Variants in UBE2R2 observed in about 807,000 individuals in gnomAD.
The protein encoded by UBE2R2 is ubiquitin-conjugating enzyme E2 R2.
In UBE2R2, 1 loss-of-function variant was observed where a neutral mutation model predicts 27.8. The ratio of observed to expected loss-of-function variants is 0.04; its 90% CI spans 0.01 to 0.17. The LOEUF (loss-of-function observed/expected upper bound fraction) is 0.17, where lower values mean the gene tolerates loss of function less well. UBE2R2 is among the 10% of genes least tolerant of loss of function. UBE2R2 has a pLI of 1.00. For synonymous variants in UBE2R2, 106 were observed against 113.3 expected, an observed-to-expected ratio of 0.94 and a Z score of 0.41; for missense variants, 100 against 291.0, an observed-to-expected ratio of 0.34 and a Z score of 4.78.
intron 3 of UBE2R2, among the ~76,000 whole-genome samples, chr9:33,909,330 C>T (rs1044906226): frequency 1.3e-5 from 2 of 151,752 alleles, no homozygotes; most frequent in African/African-American, 4.8e-5. Flanking sequence ...ACTAAAGATA[C>T]AAAAAAATTT....
intron 4 of UBE2R2, among the ~76,000 whole-genome samples, chr9:33,916,300 C>G (rs966182759): frequency 4.6e-5 from 7 of 152,130 alleles, no homozygotes; most frequent in Admixed American, 1.3e-4. Flanking sequence ...GAGATCACGC[C>G]GCTGCACTCC....
intron 1 of UBE2R2, among the ~76,000 whole-genome samples, chr9:33,886,180 CAGTT>C (rs1481206014): frequency 6.6e-6 from 1 of 152,050 alleles, no homozygotes; most frequent in Non-Finnish European, 1.5e-5. Flanking sequence ...GATAGAATGA[CAGTT>C]AAATTATGTG....
chr9:33,893,747 T>C (rs1822037023), intron 2 of UBE2R2, among the ~76,000 whole-genome samples: 2 of 152,174 alleles, frequency 1.3e-5, no homozygotes, highest in Admixed American at 1.3e-4. Flanking sequence ...TTCTCGTGCC[T>C]CAACCACCCA....
rs1280280680 is a variant in UBE2R2 at position 33,920,214 on chromosome 9, C to T, written c.*2977C>T. 1 of 152,604 alleles carries T rather than the reference C, an allele frequency of 6.6e-6. No individual in the cohort carries two copies. Among genetic ancestry groups the T allele is most frequent in the Non-Finnish European group, 1.5e-5 (1 of 68,036 alleles). 9.5% of individuals were successfully genotyped at this position (152,604 alleles called of 1,614,324 possible). ...CAATTTTCAACTATTCTGAAACCAGCAGGACACACCTGACTTTAATAGTTT... is the reference window on the plus strand; with the variant it reads ...CAATTTTCAACTATTCTGAAACCAGTAGGACACACCTGACTTTAATAGTTT... On this transcript the variant is annotated 3_prime_UTR_variant, in exon 5 of 5. Transcript: ENST00000263228.
intron 1 of UBE2R2, among the ~76,000 whole-genome samples, chr9:33,866,933 T>A (rs1426566742): frequency 7.9e-5 from 12 of 152,168 alleles, no homozygotes; most frequent in Admixed American, 7.9e-4. Context: ...TTTTAATGAT[T>A]TTTTCGATGA....
At chr9:33,864,700 A>G (rs879694897) in intron 1 of UBE2R2, among the ~76,000 whole-genome samples, 19 of 149,084 alleles carry the variant, frequency 1.3e-4, no homozygotes, top group Non-Finnish European at 2.4e-4. Context: ...CAGGCCTGCC[A>G]CCAATCTCAG....
chr9:33,891,154 AT>A, intron 2 of UBE2R2, among the ~76,000 whole-genome samples: 1 of 149,798 alleles, frequency 6.7e-6, no homozygotes. Flanking sequence ...GGTTCAAGCT[AT>A]TCTCCTGCCT....
chr9:33,878,906 G>C (rs1821672060), intron 1 of UBE2R2, among the ~76,000 whole-genome samples: 1 of 152,110 alleles, frequency 6.6e-6, no homozygotes, highest in South Asian at 2.1e-4. Flanking sequence ...AGGCTGACTT[G>C]TGGCTTATCT....
intron 1 of UBE2R2, among the ~76,000 whole-genome samples, chr9:33,884,197 A>ACTCTCTCTCTCTCTCTCT (rs1267784081): frequency 5.0e-5 from 2 of 39,686 alleles, no homozygotes; most frequent in African/African-American, 7.0e-5. Context: ...ACAACTTAAG[A>ACTCTCTCTCTCTCTCTCT]ATCTCTCTCT....
chr9:33,906,112 G>GT (rs1822350855), intron 3 of UBE2R2, among the ~76,000 whole-genome samples: 1 of 141,194 alleles, frequency 7.1e-6, no homozygotes, highest in African/African-American at 2.6e-5. Flanking sequence ...CGTCGTTGTT[G>GT]CTGTTGTTGT....
At chr9:33,822,195 G>T (rs1011136601) in intron 1 of UBE2R2, among the ~76,000 whole-genome samples, 2 of 151,284 alleles carry the variant, frequency 1.3e-5, no homozygotes, top group South Asian at 4.2e-4. Flanking sequence ...GGGTTCAAGC[G>T]ATTCTTCTGC....
At chr9:33,822,373 T>G (rs1356312360) in intron 1 of UBE2R2, among the ~76,000 whole-genome samples, 1 of 151,614 alleles carries the variant, frequency 6.6e-6, no homozygotes, top group African/African-American at 2.4e-5. Context: ...ATTACAGGCC[T>G]GAGCCACCAC....
At chr9:33,849,167 G>C (rs1820910317) in intron 1 of UBE2R2, among the ~76,000 whole-genome samples, 1 of 152,032 alleles carries the variant, frequency 6.6e-6, no homozygotes, top group African/African-American at 2.4e-5. Flanking sequence ...TGAGACAGGA[G>C]AATCTCTTGA....
rs1350616496 is a variant in UBE2R2, at chr9:33,920,035, C to T, written c.*2798C>T. ...TTTCCCTTACCCTGGCAAATTGCTT[C>T]TTTACTTGCTGGTTTCCTTACGTTT... On this transcript the variant is annotated 3_prime_UTR_variant, in exon 5 of 5. Transcript: ENST00000263228. 1 of 152,398 alleles carries T rather than the reference C, an allele frequency of 6.6e-6. No homozygotes were observed. Among genetic ancestry groups the T allele is most frequent in the Non-Finnish European group, 1.5e-5 (1 of 68,020 alleles). 9.4% of individuals were successfully genotyped at this position (152,398 alleles called of 1,614,324 possible).
At chr9:33,856,961 A>G (rs1394334055) in intron 1 of UBE2R2, among the ~76,000 whole-genome samples, 1 of 138,562 alleles carries the variant, frequency 7.2e-6, no homozygotes, top group African/African-American at 2.7e-5. Context: ...CAGTGGCTCA[A>G]TCTCGGCTCA....
intron 1 of UBE2R2, among the ~76,000 whole-genome samples, chr9:33,863,543 T>A (rs1052979560): frequency 2.6e-5 from 4 of 151,092 alleles, no homozygotes; most frequent in African/African-American, 9.7e-5. Flanking sequence ...AAAAAAAAAG[T>A]GCATGGTAGA....
chr9:33,861,059 C>T (rs960189596), intron 1 of UBE2R2, among the ~76,000 whole-genome samples: 1 of 151,208 alleles, frequency 6.6e-6, no homozygotes, highest in Non-Finnish European at 1.5e-5. Context: ...CCTGGGTTCA[C>T]GCCATTCTCC....
At chr9:33,854,480 C>T (rs527510144) in intron 1 of UBE2R2, among the ~76,000 whole-genome samples, 8 of 151,968 alleles carry the variant, frequency 5.3e-5, no homozygotes, top group East Asian at 1.9e-4. Flanking sequence ...CCACCATGCC[C>T]GGCTAGTTTT....
intron 1 of UBE2R2, among the ~76,000 whole-genome samples, chr9:33,878,143 G>A (rs1265226912): frequency 2.0e-5 from 3 of 152,172 alleles, no homozygotes; most frequent in East Asian, 3.9e-4. Context: ...TCATACAAAC[G>A]CATTAAATAA....
Sources: gnomAD v4.1 joint callset for allele counts (sites outside exome capture counted in the v4.1 genomes callset) on GRCh38, gnomAD v4.1.1 for gene constraint, MANE v1.5 for transcripts, NCBI Gene and HGNC (gene_info 2026-07-23, HGNC 2026-07-21) for gene names.